The following UBAP1L variants were observed in gnomAD, a reference collection of about 807,000 sequenced individuals.
UBAP1L encodes the protein ubiquitin associated protein 1 like.
In UBAP1L, 32 loss-of-function variants were observed where a neutral mutation model predicts 32.1. That is an observed-to-expected ratio of 1.00 (90% CI 0.75 to 1.34). The LOEUF (loss-of-function observed/expected upper bound fraction) is 1.34, where lower values mean the gene tolerates loss of function less well. Ranked by LOEUF, UBAP1L falls within the 40% of genes most tolerant of loss-of-function variation. The probability of loss-of-function intolerance (pLI) is 0.00; values close to 1 mark genes in which losing one functional copy is unlikely to be tolerated. For synonymous variants in UBAP1L, 243 were observed against 250.2 expected (o/e 0.97, Z 0.27); for missense variants, 516 against 540.5 (o/e 0.95, Z 0.45).
At position 65,099,725 on chromosome 15, in the gene UBAP1L, GACA is replaced by G; in HGVS notation, c.700-14_700-12del. 1 of 1,538,824 alleles carries G rather than the reference GACA, an allele frequency of 6.5e-7. No homozygotes were observed. On this transcript the variant is annotated splice_polypyrimidine_tract_variant and intron_variant, in intron 3 of 5. Coordinates refer to ENST00000559089, the MANE Select transcript of UBAP1L (RefSeq NM_001163692.2). Reference sequence around the variant, plus strand: ...GTACGGGCTGAGGGACTGAAATACAGACAGACTGGACATGTCAGTTACTACAGG... The same window carrying G: ...GTACGGGCTGAGGGACTGAAATACAGGACTGGACATGTCAGTTACTACAGG...
intron 2 of UBAP1L, among the ~76,000 whole-genome samples, chr15:65,104,412 G>A (rs917173698): frequency 1.3e-5 from 2 of 152,072 alleles, no homozygotes; most frequent in East Asian, 1.9e-4. Flanking sequence ...AGGAGAACTG[G>A]CCCTACCATC....
At chr15:65,101,439 A>T (rs2087237845) in intron 3 of UBAP1L, 1 of 152,320 alleles carries the variant, frequency 6.6e-6, no homozygotes, top group African/African-American at 2.4e-5. Context: ...CCTGCTCTTC[A>T]GGGTTCACTT....
chr15:65,092,938 T>C lies in UBAP1L; in HGVS notation c.*159A>G. 9.6e-7 allele frequency: 1 copy of C among 1,038,214 alleles called. No homozygotes were observed. The highest frequency in any genetic ancestry group is 2.8e-5 in the East Asian group (1 of 35,922). The allele number at this position is 1,038,214 out of a possible 1,614,324, so 64.3% of individuals were successfully genotyped here. On this transcript the variant is annotated 3_prime_UTR_variant, in exon 6 of 6. Transcript: ENST00000559089. ...CAACTATTTCAACTCTTTCAGCAGATTCTGCTGCTGTTAACTGTCACCCTT... is the reference window on the plus strand; with the variant it reads ...CAACTATTTCAACTCTTTCAGCAGACTCTGCTGCTGTTAACTGTCACCCTT...
At chr15:65,114,240 A>T (rs2087388776) in intron 1 of UBAP1L, among the ~76,000 whole-genome samples, 2 of 150,842 alleles carry the variant, frequency 1.3e-5, no homozygotes, top group African/African-American at 2.4e-5. Flanking sequence ...TAGCATACAC[A>T]TATGTAAACT....
chr15:65,108,807 A>T (rs907457143), intron 1 of UBAP1L, among the ~76,000 whole-genome samples: 34 of 151,974 alleles, frequency 2.2e-4, no homozygotes, highest in African/African-American at 7.0e-4. Context: ...CAACAACAAC[A>T]ACTCCAAAAG....
chr15:65,099,277 C>G, intron 4 of UBAP1L: 1 of 545,840 alleles, frequency 1.8e-6, no homozygotes, highest in South Asian at 2.2e-5. Context: ...ATCCACTTAC[C>G]TCAGGTCACC....
chr15:65,103,317 C>T (rs545407334), intron 2 of UBAP1L, among the ~76,000 whole-genome samples: 2 of 152,184 alleles, frequency 1.3e-5, no homozygotes, highest in South Asian at 2.1e-4. Context: ...GTTTTCCTGT[C>T]GGTGGACCTG....
At chr15:65,104,362 AAAAG>A (rs2087281559) in intron 2 of UBAP1L, among the ~76,000 whole-genome samples, 1 of 152,120 alleles carries the variant, frequency 6.6e-6, no homozygotes, top group African/African-American at 2.4e-5. Context: ...AAGAAAAAGA[AAAAG>A]AAAAGCCAGA....
intron 1 of UBAP1L, among the ~76,000 whole-genome samples, chr15:65,110,663 C>CGACA (rs768753594): frequency 2.5e-4 from 34 of 133,342 alleles, no homozygotes; most frequent in Admixed American, 6.6e-4. Context: ...CCAGCCTGGG[C>CGACA]GACAGAGTGA....
intron 1 of UBAP1L, among the ~76,000 whole-genome samples, chr15:65,110,948 G>A (rs2087365973): frequency 6.6e-6 from 1 of 152,186 alleles, no homozygotes; most frequent in Admixed American, 6.5e-5. Flanking sequence ...AGAGCATCAT[G>A]TGGAGAGGTA....
At chr15:65,113,032 CTGT>C (rs2087379179) in intron 1 of UBAP1L, among the ~76,000 whole-genome samples, 1 of 152,158 alleles carries the variant, frequency 6.6e-6, no homozygotes, top group Non-Finnish European at 1.5e-5. Flanking sequence ...TATTATAATT[CTGT>C]TCCACACACT....
In UBAP1L at chr15:65,111,732, G is replaced by A. The variant is rs147738763; in HGVS notation, c.-174+3418C>T. Among the ~76,000 whole-genome samples the A allele has an allele frequency of 3.9e-5, 6 of 151,932 alleles. No individual in the cohort carries two copies. In the East Asian group the frequency reaches 7.8e-4, roughly 20 times the overall value. On this transcript the variant is annotated intron_variant, in intron 1 of 5. Transcript: ENST00000559089. ...ACTCCTGATCTCAGGTGATCCACCCGACTTGACTTCCCAAAGTGCTGAGAT... is the reference window on the plus strand; with the variant it reads ...ACTCCTGATCTCAGGTGATCCACCCAACTTGACTTCCCAAAGTGCTGAGAT...
intron 1 of UBAP1L, among the ~76,000 whole-genome samples, chr15:65,108,658 T>C (rs578199592): frequency 3.9e-5 from 6 of 152,020 alleles, no homozygotes; most frequent in Non-Finnish European, 5.9e-5. Context: ...AGTAGGAGGA[T>C]TGCTTAAGCC....
rs181339593 is a variant in UBAP1L, at chr15:65,093,126, G to A, written c.1117C>T (p.Leu373=). The change falls in exon 6 of 6, where the codon CTG becomes TTG. Residue 373 remains leucine (L), a synonymous_variant. Coordinates refer to ENST00000559089, the MANE Select transcript of UBAP1L (RefSeq NM_001163692.2). The part of the protein sequence containing the change: ...LVHGNRREQA[L]EELVACAQ ...TGGGCACAGGCCACCAGCTCCTCCA[G>A]GGCTTGCTCTCGGCGGTTGCCATGG... 6 of 1,549,886 alleles carry A rather than the reference G, an allele frequency of 3.9e-6. No individual in the cohort carries two copies. In the African/African-American group the frequency reaches 6.8e-5, roughly 18 times the overall value.
intron 1 of UBAP1L, among the ~76,000 whole-genome samples, chr15:65,114,662 C>T (rs1293594168): frequency 2.0e-5 from 3 of 152,166 alleles, no homozygotes; most frequent in Non-Finnish European, 4.4e-5. Flanking sequence ...ACCACAGTAC[C>T]TGGAAAATGG....
intron 2 of UBAP1L, among the ~76,000 whole-genome samples, chr15:65,103,998 C>T (rs187663752): frequency 1.3e-5 from 2 of 152,136 alleles, no homozygotes; most frequent in African/African-American, 4.8e-5. Context: ...CTCATGCCTG[C>T]GATCCCAGCA....
intron 5 of UBAP1L, among the ~76,000 whole-genome samples, chr15:65,093,464 C>T (rs980621358): frequency 9.9e-5 from 15 of 152,222 alleles, no homozygotes; most frequent in African/African-American, 3.1e-4. Flanking sequence ...TGGCCATGGG[C>T]TCTGTCCTGA....
chr15:65,114,039 A>G (rs995646341), intron 1 of UBAP1L, among the ~76,000 whole-genome samples: 2 of 152,006 alleles, frequency 1.3e-5, no homozygotes, highest in African/African-American at 4.8e-5. Flanking sequence ...AGCACCTGCC[A>G]CCACGCCCGC....
At chr15:65,110,643 C>A (rs1211493688) in intron 1 of UBAP1L, among the ~76,000 whole-genome samples, 14 of 148,560 alleles carry the variant, frequency 9.4e-5, no homozygotes, top group Non-Finnish European at 1.8e-4. Flanking sequence ...CGAGATGGCA[C>A]CACTGCACTC....
Sources: gnomAD v4.1 joint callset for allele counts (sites outside exome capture counted in the v4.1 genomes callset) on GRCh38, gnomAD v4.1.1 for gene constraint, MANE v1.5 for transcripts, NCBI Gene and HGNC (gene_info 2026-07-23, HGNC 2026-07-21) for gene names.